The following PXDNL variants were observed in gnomAD, a reference collection of about 807,000 sequenced individuals.
PXDNL encodes probable oxidoreductase PXDNL.
A neutral mutation model predicts 150.8 loss-of-function variants in PXDNL; 145 were observed. The ratio of observed to expected loss-of-function variants is 0.96; its 90% CI spans 0.84 to 1.10. The LOEUF is 1.10. Among genes scored for constraint, PXDNL ranks in the 50% least tolerant of loss-of-function variants. The pLI is 0.00. For missense variants in PXDNL, 2,087 were observed against 1,873.9 expected (o/e 1.11, Z -2.10); for synonymous variants, 757 against 725.7 (o/e 1.04, Z -0.69).
chr8:51,771,650 A>G (rs2037295056), intron 1 of PXDNL, among the ~76,000 whole-genome samples: 1 of 152,194 alleles, frequency 6.6e-6, no homozygotes, highest in South Asian at 2.1e-4. Context: ...AAGAAAAAGA[A>G]AGACAGAAGC....
At chr8:51,568,290 AG>A (rs1812866663) in intron 3 of PXDNL, among the ~76,000 whole-genome samples, 1 of 151,790 alleles carries the variant, frequency 6.6e-6, no homozygotes, top group Non-Finnish European at 1.5e-5. Context: ...ATTCATTGCA[AG>A]GCAGGTCTAT....
chr8:51,608,019 A>AAGAAAG, intron 2 of PXDNL, among the ~76,000 whole-genome samples: 1 of 75,494 alleles, frequency 1.3e-5, no homozygotes, highest in East Asian at 4.2e-4. Flanking sequence ...GAAAGAAAGA[A>AAGAAAG]AGAAAGAAAG....
At chr8:51,691,819 C>T (rs949744673) in intron 1 of PXDNL, among the ~76,000 whole-genome samples, 3 of 152,164 alleles carry the variant, frequency 2.0e-5, no homozygotes, top group Admixed American at 2.0e-4. Flanking sequence ...TCAGCCCCGG[C>T]CAGCAGAGGG....
chr8:51,328,584 G>A (rs1586003352), intron 21 of PXDNL, among the ~76,000 whole-genome samples: 1 of 152,168 alleles, frequency 6.6e-6, no homozygotes, highest in Non-Finnish European at 1.5e-5. Flanking sequence ...CAAGGTGGCA[G>A]GGGAAAGAAT....
At chr8:51,600,899 T>C (rs1376436952) in intron 2 of PXDNL, among the ~76,000 whole-genome samples, 1 of 142,228 alleles carries the variant, frequency 7.0e-6, no homozygotes. Context: ...AATTATATAG[T>C]TTAGATAATT....
intron 1 of PXDNL, among the ~76,000 whole-genome samples, chr8:51,767,453 A>G (rs2037244104): frequency 6.6e-6 from 1 of 152,156 alleles, no homozygotes; most frequent in African/African-American, 2.4e-5. Flanking sequence ...GTTTCTACTC[A>G]GTTAGCTAAT....
chr8:51,587,782 C>T (rs1169711562), intron 3 of PXDNL, among the ~76,000 whole-genome samples: 1 of 152,092 alleles, frequency 6.6e-6, no homozygotes, highest in Non-Finnish European at 1.5e-5. Flanking sequence ...AAATATCAAG[C>T]ATTTATTGAG....
intron 17 of PXDNL, among the ~76,000 whole-genome samples, chr8:51,378,751 C>T (rs1807436853): frequency 6.7e-6 from 1 of 149,334 alleles, no homozygotes; most frequent in South Asian, 2.1e-4. Context: ...CAACTCCACA[C>T]GTGCGGCCTT....
chr8:51,505,154 C>T (rs1426687893), intron 4 of PXDNL, among the ~76,000 whole-genome samples: 1 of 152,174 alleles, frequency 6.6e-6, no homozygotes, highest in Admixed American at 6.5e-5. Flanking sequence ...ACTGACAACA[C>T]ATTTGACATC....
intron 1 of PXDNL, among the ~76,000 whole-genome samples, chr8:51,735,945 G>T (rs558649448): frequency 3.3e-5 from 5 of 152,268 alleles, no homozygotes; most frequent in Admixed American, 2.6e-4. Flanking sequence ...GTTCCTCCCA[G>T]AAAATGTTAT....
intron 1 of PXDNL, among the ~76,000 whole-genome samples, chr8:51,668,176 C>CTTTT (rs71550279): frequency 5.2e-5 from 4 of 77,386 alleles, no homozygotes; most frequent in East Asian, 4.9e-4. Context: ...CTCGCTCTCT[C>CTTTT]TTTTTTTTTT....
At chr8:51,415,068 G>A (rs565486698) in intron 14 of PXDNL, among the ~76,000 whole-genome samples, 1 of 152,224 alleles carries the variant, frequency 6.6e-6, no homozygotes, top group African/African-American at 2.4e-5. Flanking sequence ...GCGGGGGGGA[G>A]ATGGCAGTTG....
intron 1 of PXDNL, among the ~76,000 whole-genome samples, chr8:51,664,850 C>T (rs569169025): frequency 2.0e-4 from 30 of 152,244 alleles, no homozygotes; most frequent in African/African-American, 7.2e-4. Context: ...CCCTCCCAGG[C>T]ACACTGAACC....
At chr8:51,323,751 T>A (rs558024601) in intron 21 of PXDNL, among the ~76,000 whole-genome samples, 1 of 151,640 alleles carries the variant, frequency 6.6e-6, no homozygotes, top group Admixed American at 6.6e-5. Flanking sequence ...CTGTCTCTAC[T>A]AAATATACAA....
At chr8:51,691,881 G>T (rs897325541) in intron 1 of PXDNL, among the ~76,000 whole-genome samples, 1 of 152,200 alleles carries the variant, frequency 6.6e-6, no homozygotes, top group African/African-American at 2.4e-5. Flanking sequence ...TTCAAAGGTT[G>T]CATTTCAAAT....
At chr8:51,403,178 C>A (rs1586074838) in intron 17 of PXDNL, among the ~76,000 whole-genome samples, 2 of 151,280 alleles carry the variant, frequency 1.3e-5, no homozygotes, top group African/African-American at 2.4e-5. Flanking sequence ...GAAAATAATT[C>A]ATTTTCATAT....
intron 17 of PXDNL, 71 bp from the exon 18 acceptor site, chr8:51,374,802 T>A: frequency 6.6e-7 from 1 of 1,516,296 alleles, no homozygotes; most frequent in East Asian, 2.3e-5. Context: ...CTTATGTGAA[T>A]GACCACCAAG....
At chr8:51,425,430 G>A (rs1319174157) in intron 13 of PXDNL, among the ~76,000 whole-genome samples, 1 of 152,204 alleles carries the variant, frequency 6.6e-6, no homozygotes, top group East Asian at 1.9e-4. Context: ...ATGTCGTACA[G>A]TGTCGAATAA....
chr8:51,411,208 C>T, intron 16 of PXDNL, 42 bp downstream of exon 16: 3 of 1,353,654 alleles, frequency 2.2e-6, no homozygotes, highest in Non-Finnish European at 9.6e-7. Flanking sequence ...GTCAGTTTTT[C>T]TGTGGGCAGT....
Sources: allele counts gnomAD v4.1 joint callset (sites outside exome capture counted in the v4.1 genomes callset), GRCh38; gene constraint gnomAD v4.1.1; transcripts MANE v1.5; gene names NCBI Gene and HGNC (gene_info 2026-07-23, HGNC 2026-07-21).